Variants in RAD51B observed in about 807,000 individuals in gnomAD.
RAD51B encodes DNA repair protein RAD51 homolog 2.
Under a neutral mutation model 42.2 loss-of-function variants are expected in RAD51B, and 38 were observed. The ratio of observed to expected loss-of-function variants is 0.90; its 90% CI spans 0.70 to 1.18. The LOEUF (loss-of-function observed/expected upper bound fraction) is 1.18, where lower values mean the gene tolerates loss of function less well. Ranked by LOEUF, RAD51B falls within the 50% of genes most tolerant of loss-of-function variation. The probability of loss-of-function intolerance (pLI) is 0.00; values close to 1 mark genes in which losing one functional copy is unlikely to be tolerated. For missense variants in RAD51B, 373 were observed against 400.7 expected (o/e 0.93, Z 0.59); for synonymous variants, 154 against 145.2 (o/e 1.06, Z -0.43).
chr14:68,633,620 C>T (rs552854917), intron 10 of RAD51B, among the ~76,000 whole-genome samples: 6 of 152,344 alleles, frequency 3.9e-5, no homozygotes, highest in African/African-American at 1.4e-4. Flanking sequence ...CTATTGTTCG[C>T]TTTCTTGTTT....
At chr14:68,652,884 T>G (rs922815442) in intron 11 of RAD51B, among the ~76,000 whole-genome samples, 1 of 152,226 alleles carries the variant, frequency 6.6e-6, no homozygotes, top group Non-Finnish European at 1.5e-5. Flanking sequence ...ATCTGCTTTG[T>G]GAGCATAGGG....
At chr14:67,860,544 A>G (rs1333586644) in intron 4 of RAD51B, among the ~76,000 whole-genome samples, 1 of 152,166 alleles carries the variant, frequency 6.6e-6, no homozygotes, top group Non-Finnish European at 1.5e-5. Flanking sequence ...CTGCAAAAGG[A>G]AAAAAAGGAA....
chr14:68,093,186 C>T (rs1264292945), intron 7 of RAD51B, among the ~76,000 whole-genome samples: 3 of 151,686 alleles, frequency 2.0e-5, no homozygotes, highest in African/African-American at 7.3e-5. Flanking sequence ...CTCTGCTAGG[C>T]TTTGGTATCA....
chr14:68,263,930 T>A (rs887953632), intron 7 of RAD51B, among the ~76,000 whole-genome samples: 3 of 152,212 alleles, frequency 2.0e-5, no homozygotes. Flanking sequence ...GCAAATTTAT[T>A]TTATATATAA....
chr14:68,567,985 T>C (rs1278704972), intron 10 of RAD51B, among the ~76,000 whole-genome samples: 67 of 152,198 alleles, frequency 4.4e-4, no homozygotes, highest in Admixed American at 4.4e-3. Flanking sequence ...ACACAAGTTA[T>C]AGCCCTGTCC....
chr14:67,867,684 G>GGGCT (rs1215613914), intron 5 of RAD51B, among the ~76,000 whole-genome samples: 1 of 152,152 alleles, frequency 6.6e-6, no homozygotes, highest in African/African-American at 2.4e-5. Flanking sequence ...AATAAAACTG[G>GGGCT]GGCTCTCATA....
At chr14:68,266,936 T>C (rs1179193209) in intron 7 of RAD51B, among the ~76,000 whole-genome samples, 1 of 152,222 alleles carries the variant, frequency 6.6e-6, no homozygotes, top group East Asian at 1.9e-4. Context: ...ATTTATGTAG[T>C]TCTATACATT....
intron 7 of RAD51B, among the ~76,000 whole-genome samples, chr14:68,133,017 A>G (rs1041788778): frequency 6.6e-6 from 1 of 152,254 alleles, no homozygotes; most frequent in Non-Finnish European, 1.5e-5. Context: ...TAGGAGAACT[A>G]TAATTGAGAA....
chr14:68,354,388 T>A (rs2082855318), intron 8 of RAD51B, among the ~76,000 whole-genome samples: 1 of 152,118 alleles, frequency 6.6e-6, no homozygotes, highest in Non-Finnish European at 1.5e-5. Context: ...AGCTAATTTT[T>A]ACTGTTAGTA....
chr14:68,343,151 T>G lies in RAD51B; in HGVS notation c.853+51171T>G, dbSNP rs139031169. ...TTACCAGTTTTGTGGTAAGCACATT[T>G]GAAATTTACTCTCTTAACAATTTTC... is the stretch of plus-strand genomic sequence containing the variant. On this transcript the variant is annotated intron_variant, in intron 8 of 10. Coordinates refer to ENST00000471583, the MANE Select transcript of RAD51B (RefSeq NM_133510.4). 3.4e-3 allele frequency among the ~76,000 whole-genome samples: 513 copies of G among 152,312 alleles called. 3 individuals are homozygous for G. The highest frequency in any genetic ancestry group is 6.8e-3 in the Middle Eastern group (2 of 294).
chr14:68,361,829 C>T (rs975511131), intron 8 of RAD51B, among the ~76,000 whole-genome samples: 3 of 152,134 alleles, frequency 2.0e-5, no homozygotes, highest in Non-Finnish European at 2.9e-5. Context: ...GCACCTGCCA[C>T]CACATTCAGC....
intron 10 of RAD51B, among the ~76,000 whole-genome samples, chr14:68,484,360 T>TTTTTC (rs1555417117): frequency 1.8e-4 from 6 of 34,192 alleles, no homozygotes; most frequent in East Asian, 9.1e-4. Context: ...TTTCTTTTTC[T>TTTTTC]TTTTTTTTTT....
At chr14:68,458,901 C>A (rs575022597) in intron 9 of RAD51B, among the ~76,000 whole-genome samples, 2 of 152,278 alleles carry the variant, frequency 1.3e-5, no homozygotes, top group Admixed American at 1.3e-4. Flanking sequence ...TATGAGAAGG[C>A]AGTTTAGATG....
intron 7 of RAD51B, among the ~76,000 whole-genome samples, chr14:68,219,273 G>A (rs1019095443): frequency 2.0e-5 from 3 of 152,166 alleles, no homozygotes; most frequent in African/African-American, 7.2e-5. Flanking sequence ...CATTAACTTG[G>A]TAGACTTCAT....
chr14:68,051,544 T>G (rs1042307349), intron 7 of RAD51B, among the ~76,000 whole-genome samples: 1 of 152,140 alleles, frequency 6.6e-6, no homozygotes, highest in African/African-American at 2.4e-5. Flanking sequence ...TTAAAACTTT[T>G]GCCACAGGAG....
chr14:68,499,269 A>G (rs1411415956), intron 10 of RAD51B, among the ~76,000 whole-genome samples: 2 of 152,194 alleles, frequency 1.3e-5, no homozygotes, highest in Admixed American at 1.3e-4. Context: ...ATTGGATGCA[A>G]TGTTTCTTAC....
At chr14:68,253,754 G>A (rs1374446144) in intron 7 of RAD51B, among the ~76,000 whole-genome samples, 9 of 152,120 alleles carry the variant, frequency 5.9e-5, no homozygotes, top group Non-Finnish European at 2.9e-5. Context: ...TGTTATCTCC[G>A]TTTCACTGAT....
At chr14:68,209,353 G>C (rs2079655341) in intron 7 of RAD51B, among the ~76,000 whole-genome samples, 1 of 152,200 alleles carries the variant, frequency 6.6e-6, no homozygotes, top group South Asian at 2.1e-4. Context: ...GGCAGTGACA[G>C]AGGGCACAGC....
intron 7 of RAD51B, among the ~76,000 whole-genome samples, chr14:67,920,130 G>A (rs749173825): frequency 3.3e-5 from 5 of 151,918 alleles, no homozygotes; most frequent in South Asian, 2.1e-4. Flanking sequence ...TGACTAGAGC[G>A]GTACAAAGGA....
Sources: allele counts gnomAD v4.1 joint callset (sites outside exome capture counted in the v4.1 genomes callset), GRCh38; gene constraint gnomAD v4.1.1; transcripts MANE v1.5; gene names NCBI Gene and HGNC (gene_info 2026-07-23, HGNC 2026-07-21).